HTR2C: variants seen among roughly 807,000 people sequenced by gnomAD.
HTR2C encodes the protein 5-hydroxytryptamine receptor 2C.
Under a neutral mutation model 21.0 loss-of-function variants are expected in HTR2C, and 5 were observed. The ratio of observed to expected loss-of-function variants is 0.24; its 90% CI spans 0.12 to 0.50. The LOEUF (loss-of-function observed/expected upper bound fraction) is 0.50, where lower values mean the gene tolerates loss of function less well. Among genes scored for constraint, HTR2C ranks in the 20% least tolerant of loss-of-function variants. The pLI is 0.98. For missense variants in HTR2C, 271 were observed against 371.2 expected, an observed-to-expected ratio of 0.73 and a Z score of 2.22; for synonymous variants, 150 against 145.3, an observed-to-expected ratio of 1.03 and a Z score of -0.23.
chrX:114,643,462 T>C (rs1406116687), intron 2 of HTR2C, among the ~76,000 whole-genome samples: 2 of 111,431 alleles, frequency 1.8e-5, no homozygotes, highest in Non-Finnish European at 3.8e-5. Context: ...TATGACTATG[T>C]TGGCTTTTTT....
intron 4 of HTR2C, among the ~76,000 whole-genome samples, chrX:114,784,179 T>A (rs1486407941): frequency 9.9e-6 from 1 of 100,722 alleles, no homozygotes; most frequent in African/African-American, 3.6e-5. Flanking sequence ...ACTAGATTGA[T>A]TAATAGAGAA....
At chrX:114,625,258 A>G (rs1431471674) in intron 2 of HTR2C, among the ~76,000 whole-genome samples, 1 of 109,713 alleles carries the variant, frequency 9.1e-6, no homozygotes, top group Non-Finnish European at 1.9e-5. Context: ...CTTTTCTAAA[A>G]TATTCTCTAC....
intron 2 of HTR2C, among the ~76,000 whole-genome samples, chrX:114,644,286 C>A (rs960919855): frequency 2.0e-5 from 2 of 98,061 alleles, no homozygotes; most frequent in African/African-American, 3.8e-5. Context: ...GTGGAGGTTG[C>A]AATGAGTAGA....
intron 4 of HTR2C, among the ~76,000 whole-genome samples, chrX:114,813,321 CT>C (rs1311975094): frequency 2.7e-5 from 3 of 111,547 alleles, no homozygotes; most frequent in Non-Finnish European, 3.8e-5. Flanking sequence ...ACCACAAATC[CT>C]GTTCCCATCT....
At position 114,826,259 on chromosome X, in the gene HTR2C, A is replaced by T. The variant is rs187610745; in HGVS notation, c.350-21744A>T. ...CTAAGTTTTTAAAGTATTTGTAGAG[A>T]CAGGATCTCCCTATGTTTCCCAGGC... On this transcript the variant is annotated intron_variant, in intron 4 of 5. Transcript: ENST00000276198. Among the ~76,000 whole-genome samples the T allele has an allele frequency of 5.5e-4, 60 of 110,055 alleles. No individual in the cohort carries two copies. The East Asian group carries it at 0.013, about 23-fold the overall frequency.
chrX:114,739,330 A>G (rs782642566), intron 4 of HTR2C, among the ~76,000 whole-genome samples: 1 of 111,816 alleles, frequency 8.9e-6, no homozygotes, highest in Non-Finnish European at 1.9e-5. Flanking sequence ...GAGTTATAAA[A>G]ACTGAACAAG....
chrX:114,758,203 C>T (rs1329071494), intron 4 of HTR2C, among the ~76,000 whole-genome samples: 9 of 111,409 alleles, frequency 8.1e-5, no homozygotes, highest in Non-Finnish European at 1.7e-4. Context: ...CATTTTTAAA[C>T]ACCAATATTT....
At chrX:114,702,473 G>A (rs1288274856) in intron 2 of HTR2C, among the ~76,000 whole-genome samples, 2 of 109,723 alleles carry the variant, frequency 1.8e-5, no homozygotes, top group East Asian at 2.9e-4. Flanking sequence ...CTTCATAAGT[G>A]AAGGAGAAAT....
chrX:114,703,495 A>G (rs1556417358), intron 2 of HTR2C, among the ~76,000 whole-genome samples: 1 of 111,205 alleles, frequency 9.0e-6, no homozygotes, highest in African/African-American at 3.3e-5. Context: ...AGACATAAAG[A>G]TGTTCTTTGA....
At chrX:114,728,696 A>T (rs1048462605) in intron 3 of HTR2C, among the ~76,000 whole-genome samples, 4 of 111,179 alleles carry the variant, frequency 3.6e-5, no homozygotes, top group South Asian at 7.4e-4. Context: ...TTAAAAAAAA[A>T]TTTTCTGACC....
intron 4 of HTR2C, among the ~76,000 whole-genome samples, chrX:114,734,564 T>A (rs868960635): frequency 2.9e-5 from 1 of 34,317 alleles, no homozygotes; most frequent in Non-Finnish European, 5.0e-5. Flanking sequence ...GCCTTACATG[T>A]AAAAAAAAAA....
At position 114,705,424 on chromosome X, in the gene HTR2C, C is replaced by T. The variant is rs1932744904; in HGVS notation, c.-79-21434C>T. ...CGCCTCATATCTACAACTATCTGAT[C>T]TTTGACAAACCTGAGAAAAACAAGC... On this transcript the variant is annotated intron_variant, in intron 2 of 5. Coordinates refer to ENST00000276198, the MANE Select transcript of HTR2C (RefSeq NM_000868.4). 4.6e-5 allele frequency among the ~76,000 whole-genome samples: 5 copies of T among 108,983 alleles called. No individual in the cohort carries two copies. In the South Asian group the frequency reaches 1.6e-3, roughly 35 times the overall value. The allele number at this position is 108,983 out of a possible 115,157, so 94.6% of individuals were successfully genotyped here.
chrX:114,675,196 T>C (rs1256812969), intron 2 of HTR2C, among the ~76,000 whole-genome samples: 1 of 112,027 alleles, frequency 8.9e-6, no homozygotes, highest in Non-Finnish European at 1.9e-5. Flanking sequence ...CATTATTTAA[T>C]ACATCTTCAA....
At chrX:114,715,362 C>T (rs1932972157) in intron 2 of HTR2C, 1 of 375,684 alleles carries the variant, frequency 2.7e-6, no homozygotes, top group African/African-American at 2.6e-5. Flanking sequence ...CCCTCCACAA[C>T]CAGAAGAGCC....
chrX:114,779,174 G>A (rs782440404), intron 4 of HTR2C, among the ~76,000 whole-genome samples: 3 of 110,938 alleles, frequency 2.7e-5, no homozygotes, highest in Non-Finnish European at 5.7e-5. Context: ...CAGTGGAAGC[G>A]CAGGCAGTTA....
At chrX:114,854,726 G>T (rs1768538985) in intron 5 of HTR2C, among the ~76,000 whole-genome samples, 1 of 111,359 alleles carries the variant, frequency 9.0e-6, no homozygotes, top group African/African-American at 3.3e-5. Context: ...ATAGACAAAT[G>T]GGATTTAAAC....
At chrX:114,868,839 T>C (rs2071067308) in intron 5 of HTR2C, among the ~76,000 whole-genome samples, 1 of 110,277 alleles carries the variant, frequency 9.1e-6, no homozygotes, top group Admixed American at 9.6e-5. Flanking sequence ...GTTATCACTT[T>C]TTGTATTTTT....
At chrX:114,875,192 G>T (rs2071124041) in intron 5 of HTR2C, among the ~76,000 whole-genome samples, 1 of 110,828 alleles carries the variant, frequency 9.0e-6, no homozygotes, top group Non-Finnish European at 1.9e-5. Flanking sequence ...CATTCATGAG[G>T]GATCTGCCCT....
At chrX:114,719,171 A>T (rs895652600) in intron 2 of HTR2C, among the ~76,000 whole-genome samples, 9 of 109,013 alleles carry the variant, frequency 8.3e-5, no homozygotes, top group African/African-American at 2.6e-4. Flanking sequence ...AAGTGATTTT[A>T]AAAAAATTTT....
Sources: gnomAD v4.1 joint callset for allele counts (sites outside exome capture counted in the v4.1 genomes callset) on GRCh38, gnomAD v4.1.1 for gene constraint, MANE v1.5 for transcripts, NCBI Gene and HGNC (gene_info 2026-07-23, HGNC 2026-07-21) for gene names.